The following CROCC2 variants were observed in gnomAD, a reference collection of about 807,000 sequenced individuals.
CROCC2 encodes the protein ciliary rootlet coiled-coil protein 2.
A neutral mutation model predicts 177.6 loss-of-function variants in CROCC2; 163 were observed. The observed-to-expected ratio is 0.92, with a 90% CI of 0.81 to 1.05. The LOEUF is 1.05. Among genes scored for constraint, CROCC2 ranks in the 50% least tolerant of loss-of-function variants. The probability of loss-of-function intolerance (pLI) is 0.00; values close to 1 mark genes in which losing one functional copy is unlikely to be tolerated. For synonymous variants in CROCC2, 904 were observed against 787.3 expected (o/e 1.15, Z -2.48); for missense variants, 1,929 against 1,797.8 (o/e 1.07, Z -1.32).
At chr2:240,967,491 C>A in intron 26 of CROCC2, 26 bp downstream of exon 26, 1 of 1,547,514 alleles carries the variant, frequency 6.5e-7, no homozygotes, top group South Asian at 1.2e-5. Flanking sequence ...CTGCCCCGCC[C>A]ACCCTGGGAG....
chr2:240,991,023 G>C (rs551971145), intron 30 of CROCC2, among the ~76,000 whole-genome samples, 173 bp from the exon 31 acceptor site: 3 of 152,378 alleles, frequency 2.0e-5, no homozygotes, highest in Admixed American at 1.3e-4. Flanking sequence ...TGGCAGCAAA[G>C]GAGTCAGTCT....
At position 240,968,274 on chromosome 2, in the gene CROCC2, G is replaced by A. The variant is rs766174301; in HGVS notation, c.4401+12G>A. On this transcript the variant is annotated intron_variant, in intron 27 of 31. Transcript: ENST00000690015. ...AGCGGCGGCTGCAGGTGGGGCAGGC[G>A]GCAGGGTGGGTCCCAGGTGGGGCAC... The A allele has an allele frequency of 2.6e-5, 40 of 1,522,698 alleles. No homozygotes were observed. The highest frequency in any genetic ancestry group is 5.5e-5 in the African/African-American group (4 of 72,652). 94.3% of individuals were successfully genotyped at this position (1,522,698 alleles called of 1,614,324 possible). A position where few individuals can be genotyped will look rare whatever the true frequency, so the allele number is the denominator to read the frequency against.
rs1417924194 is a variant in CROCC2 at position 240,934,865 on chromosome 2, C to A, written c.1792-51C>A. The A allele has an allele frequency of 3.5e-6, 5 of 1,444,534 alleles. No homozygotes were observed. The Admixed American group carries it at 1.1e-4, about 31-fold the overall frequency. 89.5% of individuals were successfully genotyped at this position (1,444,534 alleles called of 1,614,324 possible). A position where few individuals can be genotyped will look rare whatever the true frequency, so the allele number is the denominator to read the frequency against. On this transcript the variant is annotated intron_variant, in intron 12 of 31. Transcript: ENST00000690015. ...TCACTCCTTTCCCAGCGGCAACAGCCCTGCCCTGGAAGCTGAAGGTCCCTC... is the reference window on the plus strand; with the variant it reads ...TCACTCCTTTCCCAGCGGCAACAGCACTGCCCTGGAAGCTGAAGGTCCCTC...
intron 4 of CROCC2, 101 bp from the exon 5 acceptor site, chr2:240,925,623 G>A (rs2059390943): frequency 3.2e-6 from 2 of 620,648 alleles, no homozygotes; most frequent in Non-Finnish European, 5.9e-6. Flanking sequence ...TAGGCCCAGA[G>A]GGTTTGGGGT....
At chr2:240,936,320 A>C (rs562781432) in intron 14 of CROCC2, among the ~76,000 whole-genome samples, 149 of 152,280 alleles carry the variant, frequency 9.8e-4, no homozygotes, top group African/African-American at 3.4e-3. Context: ...AGGTTCCCCC[A>C]CGTGCCTTCA....
At chr2:240,925,357 G>A (rs1035577424) in intron 4 of CROCC2, among the ~76,000 whole-genome samples, 1 of 152,110 alleles carries the variant, frequency 6.6e-6, no homozygotes, top group African/African-American at 2.4e-5. Context: ...CTCCCTCTCC[G>A]CGTCACCCCG....
intron 29 of CROCC2, 109 bp downstream of exon 29, chr2:240,988,979 C>G: frequency 8.7e-7 from 1 of 1,142,952 alleles, no homozygotes; most frequent in Non-Finnish European, 1.1e-6. Context: ...CTCCATCTCA[C>G]ACGTGCACAC....
At chr2:240,944,404 T>G (rs774699476) in intron 14 of CROCC2, among the ~76,000 whole-genome samples, 10 of 152,220 alleles carry the variant, frequency 6.6e-5, no homozygotes, top group Non-Finnish European at 1.0e-4. Context: ...ATGTGCCCTC[T>G]CATCTCCTTT....
rs79924176 is a variant in CROCC2 at position 240,982,001 on chromosome 2, A to G, written c.4402-879A>G. Reference sequence around the variant, plus strand: ...GTGCCATCCTCCCTCCTGGGATGACAGGGAGGCAGGATTCCTGCAAGCAGG... The same window carrying G: ...GTGCCATCCTCCCTCCTGGGATGACGGGGAGGCAGGATTCCTGCAAGCAGG... On this transcript the variant is annotated intron_variant, in intron 27 of 31. Transcript: ENST00000690015. The surrounding 1 kb of genome is among the most constrained non-coding windows in gnomAD (Gnocchi z 4.7). The G allele has an allele frequency of 0.075, 11,462 of 151,918 alleles. 524 individuals carry two copies. The highest frequency in any genetic ancestry group is 0.13 in the Middle Eastern group (38 of 290). 9.4% of individuals were successfully genotyped at this position (151,918 alleles called of 1,614,324 possible).
At chr2:240,983,337 G>T in intron 28 of CROCC2, 1 of 1,276,248 alleles carries the variant, frequency 7.8e-7, no homozygotes. Flanking sequence ...AATAAGTTGA[G>T]GCCAGAGCCA....
intron 27 of CROCC2, chr2:240,981,475 C>T (rs1385837106): frequency 1.3e-5 from 2 of 152,238 alleles, no homozygotes; most frequent in Admixed American, 6.5e-5. Flanking sequence ...GAGAGCAACT[C>T]ACTGGGGCCA....
intron 21 of CROCC2, 131 bp downstream of exon 21, chr2:240,963,904 A>G: frequency 1.0e-6 from 1 of 989,648 alleles, no homozygotes; most frequent in Non-Finnish European, 1.5e-6. Context: ...GGTGGGGTAG[A>G]CATGCCAAGC....
Position 240,934,799 on chromosome 2 carries a change from C to T in CROCC2, c.1792-117C>T, listed in dbSNP as rs147852204. 2.3e-4 allele frequency: 274 copies of T among 1,179,152 alleles called. No individual in the cohort carries two copies. In the African/African-American group the frequency reaches 3.5e-3, roughly 15 times the overall value. The allele number at this position is 1,179,152 out of a possible 1,614,324, so 73.0% of individuals were successfully genotyped here. A position where few individuals can be genotyped will look rare whatever the true frequency, so the allele number is the denominator to read the frequency against. On this transcript the variant is annotated intron_variant, in intron 12 of 31. Coordinates refer to ENST00000690015, the MANE Select transcript of CROCC2 (RefSeq NM_001351305.2). ...ACTGTGGCGACCTTCCCACCATGTC[C>T]GCCCAAGAGCTCTGGCTTGCACACC...
intron 21 of CROCC2, chr2:240,964,193 C>T (rs1359972529): frequency 1.3e-5 from 7 of 558,966 alleles, no homozygotes; most frequent in Middle Eastern, 4.7e-4. Context: ...GTTGAGCGTC[C>T]GGGAGTGTGA....
chr2:240,934,976 G>A lies in CROCC2; in HGVS notation c.1852G>A (p.Glu618Lys), dbSNP rs943857591. 6.0e-6 allele frequency: 9 copies of A among 1,491,468 alleles called. No individual in the cohort carries two copies. The African/African-American group carries it at 1.2e-4, about 19-fold the overall frequency. 92.4% of individuals were successfully genotyped at this position (1,491,468 alleles called of 1,614,324 possible). A position where few individuals can be genotyped will look rare whatever the true frequency, so the allele number is the denominator to read the frequency against. Reference sequence around the variant, plus strand: ...GAGGCGGCTGAAGTCGGAGGGAGTGGAGCAAAGGGACTCCCTGGCCGCAAT... The same window carrying A: ...GAGGCGGCTGAAGTCGGAGGGAGTGAAGCAAAGGGACTCCCTGGCCGCAAT... ...LVRRLKSEGV[E>K]QRDSLAAMAA... is the part of the protein sequence containing the mutation. The change falls in exon 13 of 32, where the codon GAG becomes AAG. Residue 618 changes from glutamate (E) to lysine (K), a missense_variant. Glu to Lys is a moderately conservative substitution (Grantham distance 56). Coordinates refer to ENST00000690015, the MANE Select transcript of CROCC2 (RefSeq NM_001351305.2).
intron 28 of CROCC2, 193 bp downstream of exon 28, chr2:240,983,222 CTG>C (rs2059813628): frequency 1.6e-5 from 14 of 866,264 alleles, no homozygotes; most frequent in East Asian, 2.8e-5. Flanking sequence ...GATGGGGAAA[CTG>C]AGCCTGGAGG....
intron 14 of CROCC2, among the ~76,000 whole-genome samples, chr2:240,939,735 G>A (rs1164783491): frequency 1.3e-5 from 2 of 151,890 alleles, no homozygotes; most frequent in African/African-American, 4.8e-5. Flanking sequence ...TAATAATTTT[G>A]CATGTTGTGT....
intron 31 of CROCC2, among the ~76,000 whole-genome samples, chr2:240,992,428 T>C (rs2059885588): frequency 6.6e-6 from 1 of 152,250 alleles, no homozygotes; most frequent in Admixed American, 6.5e-5. Context: ...GGACTTAAAA[T>C]AGTCTGTCCT....
intron 28 of CROCC2, among the ~76,000 whole-genome samples, chr2:240,984,339 G>A (rs1254950824): frequency 6.6e-6 from 1 of 152,010 alleles, no homozygotes; most frequent in South Asian, 2.1e-4. Flanking sequence ...GAGATGAGGG[G>A]CGCACAGCCG....
Sources: allele counts gnomAD v4.1 joint callset (sites outside exome capture counted in the v4.1 genomes callset), GRCh38; gene constraint gnomAD v4.1.1; non-coding constraint Gnocchi (gnomAD v3.1); transcripts MANE v1.5; gene names NCBI Gene and HGNC (gene_info 2026-07-23, HGNC 2026-07-21).